MMUT: variants seen among roughly 807,000 people sequenced by gnomAD.
The protein encoded by MMUT is methylmalonyl-CoA mutase, mitochondrial.
In MMUT, 79 loss-of-function variants were observed where a neutral mutation model predicts 79.9. The observed-to-expected ratio is 0.99, with a 90% CI of 0.82 to 1.19. The LOEUF (loss-of-function observed/expected upper bound fraction) is 1.19. Among genes scored for constraint, MMUT ranks in the 50% most tolerant of loss-of-function variants. The probability of loss-of-function intolerance (pLI) is 0.00; values close to 1 mark genes in which losing one functional copy is unlikely to be tolerated. For missense variants in MMUT, 860 were observed against 917.2 expected, an observed-to-expected ratio of 0.94 and a Z score of 0.81; for synonymous variants, 273 against 295.7, an observed-to-expected ratio of 0.92 and a Z score of 0.79.
At chr6:49,433,063 G>A (rs1767028139) in intron 12 of MMUT, among the ~76,000 whole-genome samples, 1 of 152,182 alleles carries the variant, frequency 6.6e-6, no homozygotes, top group Non-Finnish European at 1.5e-5. Flanking sequence ...CTTCTAGTCT[G>A]TGAAATTCTG....
chr6:49,458,534 T>A (rs1767753959), intron 2 of MMUT, among the ~76,000 whole-genome samples: 1 of 152,220 alleles, frequency 6.6e-6, no homozygotes. Flanking sequence ...AATTTTTAAA[T>A]AACTAAAATA....
chr6:49,442,120 GC>G, intron 9 of MMUT, 149 bp from the exon 10 acceptor site: 1 of 911,636 alleles, frequency 1.1e-6, no homozygotes, highest in South Asian at 1.7e-5. Context: ...CATTATGAAA[GC>G]ATCTCTTCTG....
At chr6:49,440,105 G>A in intron 11 of MMUT, 101 bp downstream of exon 11, 1 of 1,420,730 alleles carries the variant, frequency 7.0e-7, no homozygotes, top group Non-Finnish European at 9.9e-7. Flanking sequence ...GTTACCAGGA[G>A]ATGTATTAAT....
chr6:49,442,772 T>C (rs1172165230), intron 9 of MMUT, among the ~76,000 whole-genome samples: 1 of 152,078 alleles, frequency 6.6e-6, no homozygotes, highest in Non-Finnish European at 1.5e-5. Flanking sequence ...TGTTTTATGT[T>C]CTAAAAATAG....
At chr6:49,461,173 C>G (rs1206527322) in intron 1 of MMUT, among the ~76,000 whole-genome samples, 3 of 152,108 alleles carry the variant, frequency 2.0e-5, no homozygotes, top group African/African-American at 7.2e-5. Context: ...AGAATGGTTA[C>G]TTAATGGTTG....
rs570658958 is a variant in MMUT at position 49,444,747 on chromosome 6, G to C, written c.1568C>G (p.Ser523Cys). The C allele has an allele frequency of 5.6e-5, 91 of 1,611,542 alleles. No homozygotes were observed. Among genetic ancestry groups the C allele is most frequent in the Non-Finnish European group, 7.6e-5 (90 of 1,178,058 alleles). The change falls in exon 9 of 13, where the codon TCC (serine) becomes TGC (cysteine). Residue 523 changes from serine to cysteine, a missense_variant. Physicochemically the swap from Ser to Cys is moderately radical, Grantham distance 112. Coordinates refer to ENST00000274813, the MANE Select transcript of MMUT (RefSeq NM_000255.4). ...TTCAGCCAAAGCTTGATCCCTGCTG[G>C]ATTTGATCTATGGAAAAAGTCAAGG... is the stretch of plus-strand genomic sequence containing the variant. ...RQIEKLKKIK[S>C]SRDQALAERC...
At position 49,430,911 on chromosome 6, in the gene MMUT, A is replaced by T. The variant is rs1178890396; in HGVS notation, c.*817T>A. 6.6e-6 allele frequency: 1 copy of T among 152,192 alleles called. No homozygotes were observed. Among genetic ancestry groups the T allele is most frequent in the East Asian group, 1.9e-4 (1 of 5,194 alleles). The allele number at this position is 152,192 out of a possible 1,614,324, so 9.4% of individuals were successfully genotyped here. A position where few individuals can be genotyped will look rare whatever the true frequency, so the allele number is the denominator to read the frequency against. On this transcript the variant is annotated 3_prime_UTR_variant, in exon 13 of 13. Coordinates refer to ENST00000274813, the MANE Select transcript of MMUT (RefSeq NM_000255.4). ...TTATTTTTGCAATTTATGTTTAAGGAGCAAATCTATGCAAGGTAGCATCTT... is the reference window on the plus strand; with the variant it reads ...TTATTTTTGCAATTTATGTTTAAGGTGCAAATCTATGCAAGGTAGCATCTT...
At chr6:49,431,878 T>C (rs1474811784) in intron 12 of MMUT, 22 bp from the exon 13 acceptor site, 2 of 1,610,194 alleles carry the variant, frequency 1.2e-6, no homozygotes, top group Admixed American at 1.7e-5. Context: ...ATGTGTTTAA[T>C]TAATAAGAGC....
At chr6:49,442,918 C>T (rs1177434977) in intron 9 of MMUT, among the ~76,000 whole-genome samples, 1 of 151,812 alleles carries the variant, frequency 6.6e-6, no homozygotes, top group East Asian at 1.9e-4. Context: ...AATGGGCAAC[C>T]ATCAAAGGAC....
At chr6:49,443,230 T>C (rs1767323022) in intron 9 of MMUT, among the ~76,000 whole-genome samples, 1 of 152,120 alleles carries the variant, frequency 6.6e-6, no homozygotes, top group Admixed American at 6.6e-5. Flanking sequence ...GACAGAAATA[T>C]TGGCTACCTC....
chr6:49,438,502 A>G (rs899935224), intron 11 of MMUT, among the ~76,000 whole-genome samples: 11 of 152,232 alleles, frequency 7.2e-5, no homozygotes, highest in African/African-American at 2.7e-4. Context: ...CTTTGAAAGT[A>G]ATCTTCATAG....
chr6:49,440,122 A>C, intron 11 of MMUT, 84 bp downstream of exon 11: 1 of 1,541,562 alleles, frequency 6.5e-7, no homozygotes, highest in Non-Finnish European at 9.0e-7. Flanking sequence ...TAATTTGCTC[A>C]ATGTCTGTCA....
chr6:49,443,688 C>G, intron 9 of MMUT: 1 of 258,454 alleles, frequency 3.9e-6, no homozygotes, highest in Non-Finnish European at 7.8e-6. Flanking sequence ...TAAAAATTAA[C>G]ACATTAAGTG....
At chr6:49,451,994 T>C (rs1003963285) in intron 5 of MMUT, among the ~76,000 whole-genome samples, 1 of 152,216 alleles carries the variant, frequency 6.6e-6, no homozygotes, top group Admixed American at 6.5e-5. Flanking sequence ...ATATCAACAA[T>C]GCATTCTTTT....
Position 49,456,151 on chromosome 6 carries a change from A to AG in MMUT, c.839dup (p.Leu281PhefsTer9), listed in dbSNP as rs2127419415. The AG allele has an allele frequency of 1.2e-6, 2 of 1,611,746 alleles. No individual in the cohort carries two copies. Among genetic ancestry groups the AG allele is most frequent in the Non-Finnish European group, 1.7e-6 (2 of 1,177,878 alleles). Reference sequence around the variant, plus strand: ...TAGAGTACTCCAATCCATCTGCTAAAGTATAGGCCAGCTCCAGAATGGCAT... The same window carrying AG: ...TAGAGTACTCCAATCCATCTGCTAAAGGTATAGGCCAGCTCCAGAATGGCAT... On this transcript the variant is annotated frameshift_variant, in exon 4 of 13. Transcript: ENST00000274813. LOFTEE classifies it high-confidence loss of function.
In MMUT at chr6:49,444,560, CTTTTA is replaced by C. The variant is rs984846885; in HGVS notation, c.1676+74_1676+78del. On this transcript the variant is annotated intron_variant, in intron 9 of 12. Coordinates refer to ENST00000274813, the MANE Select transcript of MMUT (RefSeq NM_000255.4). ...GGCTCACATGGTTTACAGGATCAACCTTTTATTTAAGTATACTCTGAAAAGCTAAA... is the reference window on the plus strand; with the variant it reads ...GGCTCACATGGTTTACAGGATCAACCTTTAAGTATACTCTGAAAAGCTAAA... 20 of 1,157,588 alleles carry C rather than the reference CTTTTA, an allele frequency of 1.7e-5. No individual in the cohort carries two copies. The African/African-American group carries it at 2.7e-4, about 16-fold the overall frequency. The allele number at this position is 1,157,588 out of a possible 1,614,324, so 71.7% of individuals were successfully genotyped here.
At chr6:49,442,874 A>G (rs1267115583) in intron 9 of MMUT, among the ~76,000 whole-genome samples, 1 of 152,134 alleles carries the variant, frequency 6.6e-6, no homozygotes, top group African/African-American at 2.4e-5. Context: ...CACATCTTGC[A>G]GACTATCGGA....
chr6:49,459,456 G>T lies in MMUT; in HGVS notation c.11C>A (p.Ala4Asp). MLR[A>D]KNQLFLLSPH... ...TGAAAGTAAAAAAAGCTGATTCTTA[G>T]CTCTTAACATGGTGGAGCATGGAAA... Residue 4 changes from alanine to aspartate, a missense_variant, in exon 2 of 13, where the codon GCT becomes GAT. By Grantham distance (126) the Ala-to-Asp change is moderately radical. Coordinates refer to ENST00000274813, the MANE Select transcript of MMUT (RefSeq NM_000255.4). 6.2e-7 allele frequency: 1 copy of T among 1,611,736 alleles called. No individual in the cohort carries two copies.
At chr6:49,451,853 A>T in intron 5 of MMUT, 139 bp from the exon 6 acceptor site, 2 of 976,542 alleles carry the variant, frequency 2.0e-6, no homozygotes, top group South Asian at 3.2e-5. Flanking sequence ...TAGCAAATAA[A>T]TTCAGACAAA....
Sources: gnomAD v4.1 joint callset for allele counts (sites outside exome capture counted in the v4.1 genomes callset) on GRCh38, gnomAD v4.1.1 for gene constraint, MANE v1.5 for transcripts, NCBI Gene and HGNC (gene_info 2026-07-23, HGNC 2026-07-21) for gene names.